Variants in KDM6A observed in about 807,000 individuals in gnomAD.
KDM6A encodes the protein lysine demethylase 6A, also known as lysine-specific demethylase 6A.
A neutral mutation model predicts 117.6 loss-of-function variants in KDM6A; 11 were observed. The ratio of observed to expected loss-of-function variants is 0.09; its 90% CI spans 0.06 to 0.15. KDM6A has a LOEUF of 0.15. Ranked by LOEUF, KDM6A falls within the 10% of genes least tolerant of loss-of-function variation. The probability of loss-of-function intolerance (pLI) is 1.00; values close to 1 mark genes in which losing one functional copy is unlikely to be tolerated. For missense variants in KDM6A, 799 were observed against 1,077.3 expected (o/e 0.74, Z 3.62); for synonymous variants, 384 against 396.1 (o/e 0.97, Z 0.36).
intron 17 of KDM6A, among the ~76,000 whole-genome samples, chrX:45,067,644 CTTTTTTTTG>C (rs1244517567): frequency 2.2e-5 from 2 of 90,064 alleles, no homozygotes; most frequent in Middle Eastern, 5.8e-3. Flanking sequence ...TGGTGTGTAT[CTTTTTTTTG>C]TTTTTTTTTT....
At chrX:44,911,469 G>A (rs1296225820) in intron 2 of KDM6A, among the ~76,000 whole-genome samples, 1 of 110,521 alleles carries the variant, frequency 9.0e-6, no homozygotes, top group African/African-American at 3.3e-5. Context: ...TCAGACGATG[G>A]GCGGCCAGGC....
intron 3 of KDM6A, among the ~76,000 whole-genome samples, chrX:44,963,440 AGTGTGT>A (rs747821170): frequency 0.01 from 712 of 69,857 alleles, 18 homozygotes; most frequent in African/African-American, 0.038. Context: ...AGGGTGACAG[AGTGTGT>A]GTGTGTGTGT....
chrX:45,052,308 G>A (rs1049850721), intron 9 of KDM6A, among the ~76,000 whole-genome samples: 4 of 111,890 alleles, frequency 3.6e-5, no homozygotes, highest in African/African-American at 9.7e-5. Flanking sequence ...GAACTCCCCA[G>A]CCTTTAATTT....
At chrX:44,879,131 C>G (rs73488816) in intron 2 of KDM6A, among the ~76,000 whole-genome samples, 1,346 of 112,273 alleles carry the variant, frequency 0.012, 26 homozygotes, top group African/African-American at 0.041. Context: ...GCTTGGCTAG[C>G]TGCAGAGTAA....
chrX:45,069,855 AC>A lies in KDM6A; in HGVS notation c.2357del (p.Thr786MetfsTer21), dbSNP rs2044735400. ...ILTVPETSRH[T>X]GETPNSTASV... ...GACGGTGCCTGAAACAAGCAGGCAC[AC>A]TGGAGAGACACCTAACAGCACTGCC... On this transcript the variant is annotated frameshift_variant, in exon 18 of 30. Transcript: ENST00000611820. LOFTEE classifies it high-confidence loss of function. The A allele has an allele frequency of 8.3e-7, 1 of 1,210,006 alleles. No homozygotes were observed.
chrX:44,964,171 C>T (rs1015831376), intron 3 of KDM6A, among the ~76,000 whole-genome samples: 2 of 104,634 alleles, frequency 1.9e-5, no homozygotes, highest in African/African-American at 3.4e-5. Flanking sequence ...GATTTGAGGC[C>T]GGGTGCGGTG....
intron 5 of KDM6A, among the ~76,000 whole-genome samples, chrX:45,013,271 A>G (rs1236001288): frequency 9.0e-6 from 1 of 111,607 alleles, no homozygotes; most frequent in Non-Finnish European, 1.9e-5. Flanking sequence ...TTATTTAATC[A>G]GTATTTGTCA....
chrX:44,985,837 C>T (rs922230487), intron 4 of KDM6A, among the ~76,000 whole-genome samples: 7 of 110,776 alleles, frequency 6.3e-5, no homozygotes, highest in African/African-American at 1.0e-4. Flanking sequence ...ATTTTTGCAT[C>T]GATGTTCATC....
chrX:44,877,117 G>T (rs1484143912), intron 2 of KDM6A, among the ~76,000 whole-genome samples: 1 of 111,600 alleles, frequency 9.0e-6, no homozygotes, highest in Admixed American at 9.6e-5. Context: ...ATATCTATAT[G>T]TGTATTCCTT....
chrX:45,093,288 C>T (rs192435982), intron 27 of KDM6A, among the ~76,000 whole-genome samples: 436 of 93,731 alleles, frequency 4.7e-3, no homozygotes, highest in Non-Finnish European at 7.1e-3. Context: ...GAGGCTGAGG[C>T]GGCAGGGGTG....
chrX:45,005,344 T>C (rs925130806), intron 4 of KDM6A, among the ~76,000 whole-genome samples: 1 of 110,646 alleles, frequency 9.0e-6, no homozygotes, highest in African/African-American at 3.3e-5. Context: ...CTGGAGTCTT[T>C]AGGCATGAGA....
At chrX:44,965,533 A>G (rs943827226) in intron 3 of KDM6A, among the ~76,000 whole-genome samples, 19 of 111,695 alleles carry the variant, frequency 1.7e-4, no homozygotes, top group Non-Finnish European at 3.6e-4. Context: ...GTTGTCATGT[A>G]TTAGGGAATA....
chrX:44,906,265 C>T (rs939969418), intron 2 of KDM6A, among the ~76,000 whole-genome samples: 1 of 110,929 alleles, frequency 9.0e-6, no homozygotes, highest in East Asian at 2.8e-4. Flanking sequence ...ATCTTCCTGC[C>T]TCAGCCTCCT....
At chrX:44,892,481 G>A (rs111672840) in intron 2 of KDM6A, among the ~76,000 whole-genome samples, 4,322 of 109,875 alleles carry the variant, frequency 0.039, 79 homozygotes, top group Middle Eastern at 0.084. Context: ...GAGGTCAGGA[G>A]ATCGAGACCA....
intron 18 of KDM6A, among the ~76,000 whole-genome samples, chrX:45,075,218 G>A (rs1339863752): frequency 1.8e-5 from 2 of 111,433 alleles, no homozygotes; most frequent in Non-Finnish European, 3.8e-5. Context: ...GTTTTATCTT[G>A]CATTGGTTTA....
chrX:45,046,203 ATTAT>A (rs2043529820), intron 8 of KDM6A, among the ~76,000 whole-genome samples: 1 of 112,047 alleles, frequency 8.9e-6, no homozygotes, highest in African/African-American at 3.2e-5. Flanking sequence ...GTAAAGTCAA[ATTAT>A]TATCACCATA....
At chrX:44,974,861 G>T in intron 4 of KDM6A, 146 bp downstream of exon 4, 1 of 497,851 alleles carries the variant, frequency 2.0e-6, no homozygotes, top group Non-Finnish European at 3.6e-6. Flanking sequence ...AAAGGGTTGA[G>T]AGTATTTATG....
chrX:44,978,770 C>T (rs1389120939), intron 4 of KDM6A, among the ~76,000 whole-genome samples: 2 of 111,879 alleles, frequency 1.8e-5, no homozygotes, highest in Non-Finnish European at 3.8e-5. Context: ...GATCTCTGGT[C>T]CCAGGCAACC....
chrX:44,997,685 A>T (rs1308953938), intron 4 of KDM6A, among the ~76,000 whole-genome samples: 1 of 109,794 alleles, frequency 9.1e-6, no homozygotes, highest in African/African-American at 3.3e-5. Context: ...AAGGGACCAC[A>T]CTCTTCCCTT....
Sources: gnomAD v4.1 joint callset for allele counts (sites outside exome capture counted in the v4.1 genomes callset) on GRCh38, gnomAD v4.1.1 for gene constraint, MANE v1.5 for transcripts, NCBI Gene and HGNC (gene_info 2026-07-23, HGNC 2026-07-21) for gene names.